Variants in ERC1 observed in about 807,000 individuals in gnomAD.
ERC1 encodes ELKS/RAB6-interacting/CAST family member 1.
ERC1 carries 56 observed loss-of-function variants against 132.0 expected under a neutral mutation model. The observed-to-expected ratio is 0.42, with a 90% CI of 0.34 to 0.53. ERC1 has a LOEUF of 0.53. Ranked by LOEUF, ERC1 falls within the 20% of genes least tolerant of loss-of-function variation. ERC1 has a pLI of 0.03. For missense variants in ERC1, 1,202 were observed against 1,349.9 expected, an observed-to-expected ratio of 0.89 and a Z score of 1.72; for synonymous variants, 478 against 476.1, an observed-to-expected ratio of 1.00 and a Z score of -0.05.
intron 18 of ERC1, among the ~76,000 whole-genome samples, chr12:1,456,835 G>A (rs929579295): frequency 6.6e-6 from 1 of 151,968 alleles, no homozygotes; most frequent in African/African-American, 2.4e-5. Flanking sequence ...AGAATCACCA[G>A]AAGAACTGTG....
chr12:1,398,433 T>C (rs770831700), intron 16 of ERC1, among the ~76,000 whole-genome samples: 1 of 152,130 alleles, frequency 6.6e-6, no homozygotes, highest in Non-Finnish European at 1.5e-5. Flanking sequence ...GAGAAAAAAA[T>C]ATAAAGTATA....
intron 12 of ERC1, chr12:1,204,438 C>G: frequency 2.2e-6 from 3 of 1,377,016 alleles, no homozygotes; most frequent in Non-Finnish European, 3.0e-6. Flanking sequence ...TGAATATTGT[C>G]CTTATTAATT....
intron 11 of ERC1, among the ~76,000 whole-genome samples, chr12:1,187,108 G>A (rs1174734674): frequency 1.3e-5 from 2 of 152,204 alleles, no homozygotes; most frequent in African/African-American, 4.8e-5. Flanking sequence ...TGGGGTGACA[G>A]GCGTGAGCCA....
intron 1 of ERC1, among the ~76,000 whole-genome samples, chr12:1,007,478 C>T (rs962249357): frequency 6.6e-6 from 1 of 150,798 alleles, no homozygotes; most frequent in Non-Finnish European, 1.5e-5. Flanking sequence ...CTCTCTCTCT[C>T]TCTCTCTCTC....
At chr12:1,190,170 T>C in intron 12 of ERC1, 118 bp downstream of exon 12, 1 of 930,836 alleles carries the variant, frequency 1.1e-6, no homozygotes, top group African/African-American at 1.6e-5. Flanking sequence ...GAATTCTTGC[T>C]ATTACTGTAT....
At chr12:1,435,303 G>A (rs957295448) in intron 17 of ERC1, among the ~76,000 whole-genome samples, 65 of 152,126 alleles carry the variant, frequency 4.3e-4, no homozygotes, top group African/African-American at 1.3e-3. Flanking sequence ...GATTCTTCCC[G>A]TGGGCAGGTC....
chr12:1,138,322 G>A (rs1949549211), intron 7 of ERC1, among the ~76,000 whole-genome samples: 1 of 122,904 alleles, frequency 8.1e-6, no homozygotes, highest in African/African-American at 4.2e-5. Context: ...TAATACATAT[G>A]TTGTATATAA....
At chr12:1,244,377 G>A (rs900709001) in intron 13 of ERC1, among the ~76,000 whole-genome samples, 1 of 152,076 alleles carries the variant, frequency 6.6e-6, no homozygotes, top group African/African-American at 2.4e-5. Flanking sequence ...CATGAAATAG[G>A]AGAAGTAAAG....
chr12:1,483,823 G>A (rs1020314408), intron 18 of ERC1, among the ~76,000 whole-genome samples: 3 of 151,448 alleles, frequency 2.0e-5, no homozygotes, highest in Non-Finnish European at 2.9e-5. Context: ...CCGAGTACCT[G>A]GGAACTACAG....
chr12:1,067,104 G>C lies in ERC1; in HGVS notation c.670-16060G>C, dbSNP rs187804115. Among the ~76,000 whole-genome samples, 9 of 152,158 alleles carry C rather than the reference G, an allele frequency of 5.9e-5. 1 individual carries two copies. Among genetic ancestry groups the C allele is most frequent in the African/African-American group, 2.2e-4 (9 of 41,514 alleles). On this transcript the variant is annotated intron_variant, in intron 2 of 18. Transcript: ENST00000360905. The stretch of plus-strand genomic sequence containing the variant: ...ATTACAGGTGTGAGCCTCTGTGCCC[G>C]GCCAAAACATAAGTTTTATGATATA...
intron 18 of ERC1, among the ~76,000 whole-genome samples, chr12:1,484,117 A>G (rs1398541559): frequency 2.0e-5 from 3 of 151,540 alleles, no homozygotes; most frequent in Admixed American, 2.0e-4. Context: ...CTTCCTGGCT[A>G]ACATGGTGAA....
intron 12 of ERC1, among the ~76,000 whole-genome samples, chr12:1,209,525 T>C (rs1957668723): frequency 6.6e-6 from 1 of 152,156 alleles, no homozygotes; most frequent in African/African-American, 2.4e-5. Flanking sequence ...GTCCTATTTA[T>C]CAACATTTTC....
intron 18 of ERC1, among the ~76,000 whole-genome samples, chr12:1,447,757 C>T (rs1292394494): frequency 6.6e-6 from 1 of 151,984 alleles, no homozygotes; most frequent in African/African-American, 2.4e-5. Flanking sequence ...TCAAGCAATT[C>T]TCGTGCCTCA....
At chr12:1,153,720 T>C (rs1310168651) in intron 8 of ERC1, among the ~76,000 whole-genome samples, 1 of 152,182 alleles carries the variant, frequency 6.6e-6, no homozygotes, top group South Asian at 2.1e-4. Flanking sequence ...GGGCAGGTGT[T>C]CGAAGCCCCT....
chr12:1,208,054 T>C (rs1394406007), intron 12 of ERC1, among the ~76,000 whole-genome samples: 1 of 152,194 alleles, frequency 6.6e-6, no homozygotes, highest in Non-Finnish European at 1.5e-5. Flanking sequence ...ATCACCTTCT[T>C]TATCTCACTT....
intron 7 of ERC1, among the ~76,000 whole-genome samples, chr12:1,119,145 C>T (rs946827939): frequency 6.6e-6 from 1 of 152,164 alleles, no homozygotes; most frequent in African/African-American, 2.4e-5. Flanking sequence ...TCCCAAAGTG[C>T]TCGGATTACA....
chr12:1,259,520 C>CTTTTTTTTTT (rs201786277), intron 13 of ERC1, among the ~76,000 whole-genome samples: 6 of 113,908 alleles, frequency 5.3e-5, no homozygotes, highest in South Asian at 3.0e-4. Context: ...TTCTTTCTTT[C>CTTTTTTTTTT]TTTTTTTTTT....
intron 15 of ERC1, among the ~76,000 whole-genome samples, chr12:1,344,085 C>G (rs545585427): frequency 1.3e-5 from 2 of 152,184 alleles, no homozygotes; most frequent in Non-Finnish European, 1.5e-5. Flanking sequence ...TCGTGATCCC[C>G]CCACTTCGGC....
At chr12:1,405,575 C>T (rs1327694199) in intron 16 of ERC1, among the ~76,000 whole-genome samples, 3 of 151,894 alleles carry the variant, frequency 2.0e-5, no homozygotes, top group African/African-American at 7.3e-5. Flanking sequence ...TGGTGGCAGG[C>T]GCCTGTAATC....
Sources: allele counts gnomAD v4.1 joint callset (sites outside exome capture counted in the v4.1 genomes callset), GRCh38; gene constraint gnomAD v4.1.1; transcripts MANE v1.5; gene names NCBI Gene and HGNC (gene_info 2026-07-23, HGNC 2026-07-21).